The following ARPC1A variants were observed in gnomAD, a reference collection of about 807,000 sequenced individuals.
ARPC1A encodes the protein actin-related protein 2/3 complex subunit 1A.
Under a neutral mutation model 46.9 loss-of-function variants are expected in ARPC1A, and 8 were observed. The observed-to-expected ratio is 0.17, with a 90% CI of 0.10 to 0.31. The LOEUF is 0.31. Ranked by LOEUF, ARPC1A falls within the 10% of genes least tolerant of loss-of-function variation. The pLI is 1.00. For synonymous variants in ARPC1A, 152 were observed against 169.0 expected (o/e 0.90, Z 0.78); for missense variants, 286 against 483.6 (o/e 0.59, Z 3.83).
At chr7:99,357,510 C>T (rs1015217907) in intron 6 of ARPC1A, among the ~76,000 whole-genome samples, 33 of 148,642 alleles carry the variant, frequency 2.2e-4, no homozygotes, top group African/African-American at 8.0e-4. Context: ...TTTAATTTTT[C>T]GTAGAGACTG....
intron 3 of ARPC1A, among the ~76,000 whole-genome samples, chr7:99,339,237 A>G (rs1221010373): frequency 6.6e-6 from 1 of 152,188 alleles, no homozygotes; most frequent in Non-Finnish European, 1.5e-5. Context: ...TAATACATTT[A>G]CATACATACA....
At chr7:99,333,667 A>G (rs1249230438) in intron 2 of ARPC1A, among the ~76,000 whole-genome samples, 1 of 152,176 alleles carries the variant, frequency 6.6e-6, no homozygotes, top group Admixed American at 6.5e-5. Flanking sequence ...ACCTAGAATA[A>G]GCTGTTTCAG....
intron 5 of ARPC1A, among the ~76,000 whole-genome samples, chr7:99,351,027 A>T (rs1793536033): frequency 6.7e-6 from 1 of 148,368 alleles, no homozygotes; most frequent in Admixed American, 6.8e-5. Flanking sequence ...CTCAAAGCTT[A>T]AAAAAAAAAG....
chr7:99,361,619 C>T (rs1278529748), intron 8 of ARPC1A, among the ~76,000 whole-genome samples: 1 of 152,116 alleles, frequency 6.6e-6, no homozygotes, highest in Admixed American at 6.6e-5. Context: ...GTTTCTCTTA[C>T]GTTTCTATAC....
At chr7:99,361,225 T>C (rs969999480) in intron 8 of ARPC1A, among the ~76,000 whole-genome samples, 3 of 152,018 alleles carry the variant, frequency 2.0e-5, no homozygotes, top group Admixed American at 6.6e-5. Context: ...ACCAGAGACC[T>C]GGCACCATGT....
intron 2 of ARPC1A, among the ~76,000 whole-genome samples, chr7:99,333,984 A>G (rs1793193313): frequency 6.6e-6 from 1 of 151,478 alleles, no homozygotes; most frequent in African/African-American, 2.4e-5. Flanking sequence ...GAAAAAAAAT[A>G]GAAAAACTGT....
chr7:99,340,694 A>T (rs1408538825), intron 3 of ARPC1A, among the ~76,000 whole-genome samples: 1 of 152,072 alleles, frequency 6.6e-6, no homozygotes, highest in Non-Finnish European at 1.5e-5. Context: ...ACCTCTAATC[A>T]CCTAAAATAC....
chr7:99,341,469 C>T (rs1212788295), intron 3 of ARPC1A, among the ~76,000 whole-genome samples: 5 of 147,082 alleles, frequency 3.4e-5, no homozygotes, highest in African/African-American at 1.3e-4. Flanking sequence ...ATTAGCTGGG[C>T]GTGGTGGCAC....
chr7:99,345,219 A>AC (rs904362959), intron 4 of ARPC1A, among the ~76,000 whole-genome samples: 10 of 151,878 alleles, frequency 6.6e-5, no homozygotes, highest in Non-Finnish European at 1.3e-4. Flanking sequence ...GGCGTGAGCC[A>AC]CCACGCCTGG....
At chr7:99,356,245 A>G (rs1004619405) in intron 6 of ARPC1A, among the ~76,000 whole-genome samples, 3 of 152,210 alleles carry the variant, frequency 2.0e-5, no homozygotes, top group African/African-American at 4.8e-5. Context: ...TATTTCAGAC[A>G]TGATATGTTT....
chr7:99,360,502 T>C (rs1793720392), intron 8 of ARPC1A, among the ~76,000 whole-genome samples: 1 of 152,014 alleles, frequency 6.6e-6, no homozygotes, highest in Non-Finnish European at 1.5e-5. Context: ...ATTTTTTGTA[T>C]TTTTAGTAGA....
chr7:99,353,864 T>TA, intron 5 of ARPC1A, 45 bp from the exon 6 acceptor site: 2 of 1,578,196 alleles, frequency 1.3e-6, no homozygotes, highest in Non-Finnish European at 1.7e-6. Context: ...TCTATATACA[T>TA]ATATTTTCAT....
chr7:99,352,688 G>A (rs1314258417), intron 5 of ARPC1A, among the ~76,000 whole-genome samples: 1 of 151,504 alleles, frequency 6.6e-6, no homozygotes, highest in Non-Finnish European at 1.5e-5. Flanking sequence ...CGGGGGATCA[G>A]GTGTGGTGGC....
intron 3 of ARPC1A, among the ~76,000 whole-genome samples, chr7:99,342,973 C>T (rs1793379472): frequency 6.6e-6 from 1 of 151,946 alleles, no homozygotes; most frequent in South Asian, 2.1e-4. Flanking sequence ...CCGCCTGCCT[C>T]GGCCTCCCAA....
chr7:99,339,427 G>A (rs1793323871), intron 3 of ARPC1A, among the ~76,000 whole-genome samples: 1 of 152,144 alleles, frequency 6.6e-6, no homozygotes, highest in Non-Finnish European at 1.5e-5. Context: ...TACTTGTGAG[G>A]CTGAAGTGGG....
chr7:99,333,301 G>C (rs538574565), intron 1 of ARPC1A, 24 bp from the exon 2 acceptor site: 67 of 1,473,876 alleles, frequency 4.5e-5, no homozygotes, highest in Non-Finnish European at 5.8e-5. Flanking sequence ...TGTATAAAAT[G>C]CTTTTTGTTA....
At chr7:99,345,181 C>T (rs1193391382) in intron 4 of ARPC1A, among the ~76,000 whole-genome samples, 1 of 151,786 alleles carries the variant, frequency 6.6e-6, no homozygotes, top group African/African-American at 2.4e-5. Context: ...GATCCACCGC[C>T]TCGGCCTCCC....
chr7:99,329,615 AAAAG>A (rs1274369965), intron 1 of ARPC1A, among the ~76,000 whole-genome samples: 1 of 152,236 alleles, frequency 6.6e-6, no homozygotes, highest in Non-Finnish European at 1.5e-5. Flanking sequence ...ACCTGATTAT[AAAAG>A]AAGTACAGGT....
intron 2 of ARPC1A, among the ~76,000 whole-genome samples, chr7:99,336,371 C>T (rs1339853572): frequency 6.6e-6 from 1 of 151,890 alleles, no homozygotes; most frequent in Non-Finnish European, 1.5e-5. Flanking sequence ...TACCTAGTTC[C>T]ACAGTTTTAT....
Sources: allele counts gnomAD v4.1 joint callset (sites outside exome capture counted in the v4.1 genomes callset), GRCh38; gene constraint gnomAD v4.1.1; transcripts MANE v1.5; gene names NCBI Gene and HGNC (gene_info 2026-07-23, HGNC 2026-07-21).